The following ATP11A variants were observed in gnomAD, a reference collection of about 807,000 sequenced individuals.
ATP11A encodes ATPase phospholipid transporting 11A.
A neutral mutation model predicts 154.4 loss-of-function variants in ATP11A; 81 were observed. That is an observed-to-expected ratio of 0.52 (90% confidence interval 0.44 to 0.63). The LOEUF is 0.63. Among genes scored for constraint, ATP11A ranks in the 30% least tolerant of loss-of-function variants. The probability of loss-of-function intolerance (pLI) is 0.00; values close to 1 mark genes in which losing one functional copy is unlikely to be tolerated. For missense variants in ATP11A, 1,316 were observed against 1,474.3 expected (o/e 0.89, Z 1.76); for synonymous variants, 623 against 585.9 (o/e 1.06, Z -0.91).
chr13:112,727,835 C>T (rs571864089), intron 1 of ATP11A, among the ~76,000 whole-genome samples: 15 of 152,254 alleles, frequency 9.9e-5, no homozygotes, highest in Non-Finnish European at 2.1e-4. Context: ...GACTCCGGCG[C>T]TGGGCGAGGA....
At chr13:112,712,797 T>C (rs1282724156) in intron 1 of ATP11A, among the ~76,000 whole-genome samples, 1 of 152,122 alleles carries the variant, frequency 6.6e-6, no homozygotes, top group Non-Finnish European at 1.5e-5. Flanking sequence ...AAAGAGGGTG[T>C]TTGTCATCCC....
At chr13:112,708,641 T>C (rs1362477813) in intron 1 of ATP11A, among the ~76,000 whole-genome samples, 1 of 152,248 alleles carries the variant, frequency 6.6e-6, no homozygotes, top group Non-Finnish European at 1.5e-5. Context: ...ATGTCACCCT[T>C]GCAAACCTCA....
chr13:112,765,944 G>A (rs1431644602), intron 1 of ATP11A, among the ~76,000 whole-genome samples: 1 of 152,260 alleles, frequency 6.6e-6, no homozygotes, highest in Non-Finnish European at 1.5e-5. Context: ...TTCCTTGCAG[G>A]CCGGTGTCCG....
chr13:112,746,045 C>CT lies in ATP11A; in HGVS notation c.40-39089dup. ...TGTCGTTTTGTGGCGGAATCACGTT[C>CT]TGTTGTGTGTATACACCACGTTTTT... On this transcript the variant is annotated intron_variant, in intron 1 of 29. Coordinates refer to ENST00000375645, the MANE Select transcript of ATP11A (RefSeq NM_015205.3). The surrounding 1 kb of genome is among the most constrained non-coding windows in gnomAD (Gnocchi z 4.1). 1 of 151,980 alleles carries CT rather than the reference C, an allele frequency of 6.6e-6. No individual in the cohort carries two copies. The highest frequency in any genetic ancestry group is 1.9e-4 in the East Asian group (1 of 5,174). 9.4% of individuals were successfully genotyped at this position (151,980 alleles called of 1,614,324 possible). A position where few individuals can be genotyped will look rare whatever the true frequency, so the allele number is the denominator to read the frequency against.
At chr13:112,719,661 G>T (rs1888927641) in intron 1 of ATP11A, among the ~76,000 whole-genome samples, 1 of 151,976 alleles carries the variant, frequency 6.6e-6, no homozygotes, top group African/African-American at 2.4e-5. Flanking sequence ...GTTACTTCAG[G>T]TTACTTCAGG....
At chr13:112,866,470 C>G (rs930170028) in intron 25 of ATP11A, among the ~76,000 whole-genome samples, 1 of 151,690 alleles carries the variant, frequency 6.6e-6, no homozygotes, top group African/African-American at 2.4e-5. Flanking sequence ...TTAAAGGCAG[C>G]ACAGGCATGT....
chr13:112,877,636 TG>T (rs2140439166), intron 28 of ATP11A, among the ~76,000 whole-genome samples: 1 of 152,244 alleles, frequency 6.6e-6, no homozygotes, highest in East Asian at 1.9e-4. Context: ...CAGCCCCACC[TG>T]GCCCCTGGGT....
chr13:112,729,684 C>G (rs1320714591), intron 1 of ATP11A, among the ~76,000 whole-genome samples: 1 of 152,256 alleles, frequency 6.6e-6, no homozygotes, highest in Non-Finnish European at 1.5e-5. Context: ...TGCCGCAGCG[C>G]TCCTGCTATT....
chr13:112,857,802 T>C lies in ATP11A; in HGVS notation c.2419-16T>C. ...TGAAACAGAGAAGATAAATTCCGCA[T>C]TTCTTTCTTTTGCAGATTGTTAAAT... On this transcript the variant is annotated splice_polypyrimidine_tract_variant and intron_variant, in intron 20 of 29. Coordinates refer to ENST00000375645, the MANE Select transcript of ATP11A (RefSeq NM_015205.3). 1 of 1,599,698 alleles carries C rather than the reference T, an allele frequency of 6.3e-7. No individual in the cohort carries two copies. Among genetic ancestry groups the C allele is most frequent in the Non-Finnish European group, 8.6e-7 (1 of 1,166,888 alleles).
chr13:112,705,424 T>C (rs1198969186), intron 1 of ATP11A, among the ~76,000 whole-genome samples: 1 of 136,408 alleles, frequency 7.3e-6, no homozygotes, highest in Non-Finnish European at 1.5e-5. Context: ...GAGCAGCTGC[T>C]GTATGCGCTG....
At position 112,856,102 on chromosome 13, in the gene ATP11A, C is replaced by T. The variant is rs762099461; in HGVS notation, c.2418+17C>T. On this transcript the variant is annotated intron_variant, in intron 20 of 29. Coordinates refer to ENST00000375645, the MANE Select transcript of ATP11A (RefSeq NM_015205.3). ...AAGGCTCAGGTGCTGCCCGCCCGTC[C>T]TCGATAGCTGGTGGTCAGGGCGTCC... 29 of 1,603,168 alleles carry T rather than the reference C, an allele frequency of 1.8e-5. No homozygotes were observed. The African/African-American group carries it at 3.6e-4, about 20-fold the overall frequency.
chr13:112,724,758 A>G (rs977782536), intron 1 of ATP11A, among the ~76,000 whole-genome samples: 3 of 152,190 alleles, frequency 2.0e-5, no homozygotes, highest in African/African-American at 7.2e-5. Flanking sequence ...GGTGTGGTCC[A>G]CAGGGGCTCT....
At chr13:112,814,340 G>A (rs1210190371) in intron 5 of ATP11A, among the ~76,000 whole-genome samples, 1 of 152,092 alleles carries the variant, frequency 6.6e-6, no homozygotes, top group African/African-American at 2.4e-5. Context: ...TGGGATTACA[G>A]GGGTGAGCCA....
intron 1 of ATP11A, among the ~76,000 whole-genome samples, chr13:112,768,204 T>C (rs1346194154): frequency 1.3e-5 from 2 of 152,256 alleles, no homozygotes; most frequent in African/African-American, 4.8e-5. Flanking sequence ...AGGGCGGCCC[T>C]GTGATGAGCT....
chr13:112,860,541 T>G, intron 24 of ATP11A, 127 bp downstream of exon 24: 1 of 1,124,928 alleles, frequency 8.9e-7, no homozygotes, highest in Non-Finnish European at 1.3e-6. Flanking sequence ...TCTGCTGATA[T>G]TCTTGCTTGA....
intron 15 of ATP11A, among the ~76,000 whole-genome samples, chr13:112,834,959 G>A (rs982352046): frequency 2.0e-5 from 3 of 152,264 alleles, no homozygotes; most frequent in Non-Finnish European, 4.4e-5. Context: ...TAAGCCACCT[G>A]AAGTCAGGTT....
intron 8 of ATP11A, among the ~76,000 whole-genome samples, chr13:112,822,636 C>T (rs2078828318): frequency 2.0e-5 from 3 of 151,458 alleles, no homozygotes; most frequent in Admixed American, 1.3e-4. Flanking sequence ...ACTGTAATCT[C>T]AGCACTTTGG....
At position 112,860,352 on chromosome 13, in the gene ATP11A, G is replaced by T; in HGVS notation, c.2793G>T (p.Leu931=). Residue 931 remains leucine, a synonymous_variant, in exon 24 of 30, where the codon CTG becomes CTT. Transcript: ENST00000375645. ...NISFTSLPIL[L]YSLMEQHVGI... ...GCTTCACCTCCCTCCCCATCCTCCT[G>T]TACAGCCTCATGGAGCAGCATGTTG... 1 of 1,614,106 alleles carries T rather than the reference G, an allele frequency of 6.2e-7. No homozygotes were observed. The highest frequency in any genetic ancestry group is 8.5e-7 in the Non-Finnish European group (1 of 1,180,018).
chr13:112,775,470 G>T (rs1171634967), intron 1 of ATP11A, among the ~76,000 whole-genome samples: 1 of 152,190 alleles, frequency 6.6e-6, no homozygotes, highest in South Asian at 2.1e-4. Context: ...TCCAGGACAT[G>T]CCTCCTCTAA....
Sources: allele counts gnomAD v4.1 joint callset (sites outside exome capture counted in the v4.1 genomes callset), GRCh38; gene constraint gnomAD v4.1.1; non-coding constraint Gnocchi (gnomAD v3.1); transcripts MANE v1.5; gene names NCBI Gene and HGNC (gene_info 2026-07-23, HGNC 2026-07-21).